RIPOR3: variants seen among roughly 807,000 people sequenced by gnomAD.
RIPOR3 encodes RIPOR family member 3.
RIPOR3 carries 95 observed loss-of-function variants against 114.3 expected under a neutral mutation model. That is an observed-to-expected ratio of 0.83 (90% CI 0.70 to 0.99). The LOEUF is 0.99. Among genes scored for constraint, RIPOR3 ranks in the 50% least tolerant of loss-of-function variants. The pLI, the probability that RIPOR3 is intolerant of heterozygous loss-of-function variation, is 0.00. For missense variants in RIPOR3, 1,252 were observed against 1,266.9 expected (o/e 0.99, Z 0.18); for synonymous variants, 575 against 543.8 (o/e 1.06, Z -0.80).
chr20:50,609,052 A>G (rs1041011026), intron 8 of RIPOR3, 97 bp from the exon 9 acceptor site: 15 of 1,505,464 alleles, frequency 1.0e-5, no homozygotes, highest in African/African-American at 1.4e-5. Context: ...ATAGATTTTC[A>G]GTTTCAGTGG....
chr20:50,625,821 C>G (rs2084598933), intron 2 of RIPOR3, among the ~76,000 whole-genome samples: 1 of 152,194 alleles, frequency 6.6e-6, no homozygotes, highest in Non-Finnish European at 1.5e-5. Context: ...ATCTCTCTAT[C>G]CTCCCACCCC....
At chr20:50,690,810 CTACACAGTGCCTGGCGTATAGCAGA>C (rs2087187180) in intron 1 of RIPOR3, among the ~76,000 whole-genome samples, 2 of 152,200 alleles carry the variant, frequency 1.3e-5, no homozygotes, top group South Asian at 4.1e-4. Flanking sequence ...TCAAAAATGC[CTACACAGTGCCTGGCGTATAGCAGA>C]TACACAAGGA....
At chr20:50,593,231 A>T (rs201625202) in intron 17 of RIPOR3, 35 bp from the exon 18 acceptor site, 1 of 1,596,576 alleles carries the variant, frequency 6.3e-7, no homozygotes, top group African/African-American at 1.3e-5. Context: ...GGAGAAACTG[A>T]GACCTCGACC....
At chr20:50,616,871 C>G (rs907859575) in intron 3 of RIPOR3, among the ~76,000 whole-genome samples, 1 of 152,112 alleles carries the variant, frequency 6.6e-6, no homozygotes, top group Non-Finnish European at 1.5e-5. Flanking sequence ...GGCCGGGCGC[C>G]GTGGCTGACG....
chr20:50,614,845 G>C (rs889653233), intron 4 of RIPOR3: 1 of 167,932 alleles, frequency 6.0e-6, no homozygotes, highest in Non-Finnish European at 1.5e-5. Context: ...AATCACTTGA[G>C]GTCAGGAGTT....
At chr20:50,666,228 T>TCTTTTCTTTTCTTTTC (rs1286460463) in intron 1 of RIPOR3, among the ~76,000 whole-genome samples, 1 of 128,324 alleles carries the variant, frequency 7.8e-6, no homozygotes, top group East Asian at 2.2e-4. Context: ...TTTTCTTTTT[T>TCTTTTCTTTTCTTTTC]GAGACGGAGT....
intron 1 of RIPOR3, among the ~76,000 whole-genome samples, chr20:50,682,612 A>ATGTGTG (rs71190593): frequency 2.7e-5 from 4 of 146,902 alleles, no homozygotes; most frequent in East Asian, 2.1e-4. Flanking sequence ...GTCTCAAAAT[A>ATGTGTG]TGTGTGTGTG....
chr20:50,680,880 G>GTT (rs991564042), intron 1 of RIPOR3, among the ~76,000 whole-genome samples: 55 of 152,306 alleles, frequency 3.6e-4, no homozygotes, highest in African/African-American at 1.3e-3. Context: ...TCTGACAGGC[G>GTT]TAAGCCAAAG....
intron 1 of RIPOR3, among the ~76,000 whole-genome samples, chr20:50,689,169 CTTCT>C (rs1270056882): frequency 1.6e-5 from 2 of 126,092 alleles, no homozygotes; most frequent in African/African-American, 2.8e-5. Flanking sequence ...CCTCTCCAAA[CTTCT>C]TTTTTTTTTT....
chr20:50,654,779 T>A (rs372227583), intron 1 of RIPOR3, among the ~76,000 whole-genome samples: 1 of 152,150 alleles, frequency 6.6e-6, no homozygotes, highest in Non-Finnish European at 1.5e-5. Flanking sequence ...AGCATCTCAA[T>A]CTTTTGCCTA....
At chr20:50,671,414 G>A (rs551530514) in intron 1 of RIPOR3, among the ~76,000 whole-genome samples, 3 of 85,766 alleles carry the variant, frequency 3.5e-5, no homozygotes, top group African/African-American at 8.6e-5. Context: ...GCACGCGCGC[G>A]TGCACGCGCG....
At chr20:50,612,124 C>CAAAAAAAA (rs542382125) in intron 4 of RIPOR3, among the ~76,000 whole-genome samples, 2 of 89,208 alleles carry the variant, frequency 2.2e-5, no homozygotes, top group Non-Finnish European at 2.3e-5. Context: ...GACTCCATCT[C>CAAAAAAAA]AAAAAAAAAA....
intron 1 of RIPOR3, among the ~76,000 whole-genome samples, chr20:50,671,943 T>G (rs1358852318): frequency 2.1e-5 from 3 of 145,212 alleles, no homozygotes; most frequent in Admixed American, 1.4e-4. Context: ...GATGGATAGG[T>G]GGATGAGTAG....
chr20:50,679,613 A>AAC (rs1467102667), intron 1 of RIPOR3, among the ~76,000 whole-genome samples: 2 of 150,266 alleles, frequency 1.3e-5, no homozygotes, highest in African/African-American at 4.9e-5. Flanking sequence ...AAAAAAAAAA[A>AAC]AAAAAATTAG....
At position 50,593,152 on chromosome 20, in the gene RIPOR3, G is replaced by A. The variant is rs751486240; in HGVS notation, c.2257C>T (p.Leu753Phe). Residue 753 changes from leucine (L) to phenylalanine (F), a missense_variant, in exon 18 of 22, where the codon CTC becomes TTC. Physicochemically the swap from Leu to Phe is conservative, Grantham distance 22 (BLOSUM62 0). Transcript: ENST00000327979. ...TCTTCTGGGAGCCCAGCTCCGGGGA[G>A]CAGCCCACCACAGCTGACCACCTGC... Reference protein sequence around the residue: ...LEQVVSCGGLLPGAGLPEEQI... With the variant: ...LEQVVSCGGLFPGAGLPEEQI... 6.2e-7 allele frequency: 1 copy of A among 1,613,760 alleles called. No homozygotes were observed. Among genetic ancestry groups the A allele is most frequent in the South Asian group, 1.1e-5 (1 of 91,084 alleles).
chr20:50,604,816 G>C lies in RIPOR3; in HGVS notation c.957-42C>G, dbSNP rs766862050. The C allele has an allele frequency of 6.3e-6, 10 of 1,597,168 alleles. No homozygotes were observed. In the South Asian group the frequency reaches 6.8e-5, roughly 11 times the overall value. On this transcript the variant is annotated intron_variant, in intron 11 of 21. Coordinates refer to ENST00000327979, the MANE Select transcript of RIPOR3 (RefSeq NM_001290268.2). ...AAGGTCAGGATGCCATCGGCACCCA[G>C]AGGCCATTTCAGGCCCAGACGGCCC... is the stretch of plus-strand genomic sequence containing the variant.
intron 1 of RIPOR3, among the ~76,000 whole-genome samples, chr20:50,665,455 C>G (rs1186625176): frequency 1.5e-5 from 2 of 132,216 alleles, no homozygotes; most frequent in African/African-American, 5.8e-5. Flanking sequence ...GAGTCTCGCC[C>G]TGTCGCCCAG....
Position 50,682,001 on chromosome 20 carries a change from TAG to T in RIPOR3, c.3+9123_3+9124del, listed in dbSNP as rs143002533. On this transcript the variant is annotated intron_variant, in intron 1 of 21. Transcript: ENST00000327979. ...TAAGATGTTTGACAAATGCCATGTG[TAG>T]AGGGTGGCTTGTGAATTGGTACAAC... Among the ~76,000 whole-genome samples, 1,447 of 152,306 alleles carry T rather than the reference TAG, an allele frequency of 9.5e-3. 10 individuals are homozygous for T. The highest frequency in any genetic ancestry group is 0.015 in the Non-Finnish European group (1,038 of 68,026).
At chr20:50,621,687 G>A (rs915173023) in intron 2 of RIPOR3, among the ~76,000 whole-genome samples, 15 of 152,158 alleles carry the variant, frequency 9.9e-5, no homozygotes, top group African/African-American at 2.7e-4. Context: ...GGCCAACACA[G>A]AGAGGAACAA....
Sources: gnomAD v4.1 joint callset for allele counts (sites outside exome capture counted in the v4.1 genomes callset) on GRCh38, gnomAD v4.1.1 for gene constraint, MANE v1.5 for transcripts, NCBI Gene and HGNC (gene_info 2026-07-23, HGNC 2026-07-21) for gene names.